Variants in HSD11B1L observed in about 807,000 individuals in gnomAD.
HSD11B1L encodes the protein hydroxysteroid 11-beta-dehydrogenase 1-like protein.
A neutral mutation model predicts 27.0 loss-of-function variants in HSD11B1L; 22 were observed. That is an observed-to-expected ratio of 0.81 (90% CI 0.58 to 1.16). The LOEUF (loss-of-function observed/expected upper bound fraction) is 1.16, where lower values mean the gene tolerates loss of function less well. Ranked by LOEUF, HSD11B1L falls within the 50% of genes most tolerant of loss-of-function variation. The pLI is 0.00. For missense variants in HSD11B1L, 372 were observed against 401.8 expected, an observed-to-expected ratio of 0.93 and a Z score of 0.63; for synonymous variants, 187 against 189.2, an observed-to-expected ratio of 0.99 and a Z score of 0.09.
intron 1 of HSD11B1L, among the ~76,000 whole-genome samples, chr19:5,681,708 T>C (rs1599413366): frequency 6.6e-6 from 1 of 151,012 alleles, no homozygotes; most frequent in East Asian, 1.9e-4. Flanking sequence ...GTGTTCCCAT[T>C]TATCCATTCA....
chr19:5,684,807 G>C lies in HSD11B1L; in HGVS notation c.-14-12G>C, dbSNP rs373146169. 3.1e-5 allele frequency: 50 copies of C among 1,613,406 alleles called. No homozygotes were observed. In the Middle Eastern group the frequency reaches 4.9e-4, roughly 16 times the overall value. ...CCTGTGCCGGCCACCTCTGTCCCCT[G>C]TCCCTCTGCAGGCCCACACAGGACC... On this transcript the variant is annotated splice_polypyrimidine_tract_variant and intron_variant, in intron 1 of 7. Transcript: ENST00000339423.
rs986071969 is a variant in HSD11B1L at position 5,688,371 on chromosome 19, A to G, written c.*426A>G. The G allele has an allele frequency of 1.1e-5, 7 of 631,406 alleles. No individual in the cohort carries two copies. The South Asian group carries it at 1.2e-4, about 11-fold the overall frequency. 39.1% of individuals were successfully genotyped at this position (631,406 alleles called of 1,614,324 possible). On this transcript the variant is annotated 3_prime_UTR_variant, in exon 8 of 8. Transcript: ENST00000339423. The stretch of plus-strand genomic sequence containing the variant: ...CCCCCAACTCCTGCCAGCTTCCCCT[A>G]GCTGGGGTCTCTGGTACTCTTCACA...
intron 1 of HSD11B1L, chr19:5,684,126 G>T: frequency 2.4e-6 from 1 of 424,122 alleles, no homozygotes; most frequent in Non-Finnish European, 4.2e-6. Flanking sequence ...AGGCATGTGC[G>T]TGCCTCAGCC....
rs909121746 is a variant in HSD11B1L at position 5,681,199 on chromosome 19, G to T, written c.-87G>T. 2 of 152,608 alleles carry T rather than the reference G, an allele frequency of 1.3e-5. No individual in the cohort carries two copies. Among genetic ancestry groups the T allele is most frequent in the Admixed American group, 1.3e-4 (2 of 15,286 alleles). 9.5% of individuals were successfully genotyped at this position (152,608 alleles called of 1,614,324 possible). The stretch of plus-strand genomic sequence containing the variant: ...GAGGCGGCCGAGAAGAGAGGACCGT[G>T]GGGGCGTTCGCGTGGCTCCCAGCCC... On this transcript the variant is annotated 5_prime_UTR_variant, in exon 1 of 8. Coordinates refer to ENST00000339423, the MANE Select transcript of HSD11B1L (RefSeq NM_198706.3).
Position 5,685,258 on chromosome 19 carries a change from T to C in HSD11B1L, c.204+139T>C. 8.6e-7 allele frequency: 1 copy of C among 1,168,556 alleles called. No individual in the cohort carries two copies. The highest frequency in any genetic ancestry group is 1.3e-5 in the South Asian group (1 of 76,288). 72.4% of individuals were successfully genotyped at this position (1,168,556 alleles called of 1,614,324 possible). ...CCTAACCTCTCTGAGCCTCTCAGTT[T>C]CCTCATTTGCAAAACGGGGACAATA... On this transcript the variant is annotated intron_variant, in intron 3 of 7. Transcript: ENST00000339423. This position sits in a 1 kb window ranked among gnomAD's most constrained non-coding sequence, Gnocchi z 4.3.
chr19:5,688,120 T>C lies in HSD11B1L; in HGVS notation c.*175T>C. 1 of 1,551,304 alleles carries C rather than the reference T, an allele frequency of 6.4e-7. No individual in the cohort carries two copies. The highest frequency in any genetic ancestry group is 8.7e-7 in the Non-Finnish European group (1 of 1,146,972). On this transcript the variant is annotated 3_prime_UTR_variant, in exon 8 of 8. Transcript: ENST00000339423. ...ACGGGCACCTGGAACCAGTCACGGC[T>C]TGGGAGGTGCAGGTGCCCCGTGTTA...
rs763515779 is a variant in HSD11B1L, at chr19:5,688,142, G to A, written c.*197G>A. ...GGCTTGGGAGGTGCAGGTGCCCCGT[G>A]TTAGGCGCCTTTGTCGGGGACTTGC... is the stretch of plus-strand genomic sequence containing the variant. On this transcript the variant is annotated 3_prime_UTR_variant, in exon 8 of 8. Transcript: ENST00000339423. The A allele has an allele frequency of 6.4e-7, 1 of 1,551,046 alleles. No individual in the cohort carries two copies. The highest frequency in any genetic ancestry group is 8.7e-7 in the Non-Finnish European group (1 of 1,146,990).
At chr19:5,684,085 C>T (rs1384579977) in intron 1 of HSD11B1L, 2 of 469,552 alleles carry the variant, frequency 4.3e-6, no homozygotes, top group Non-Finnish European at 3.8e-6. Context: ...AAGCGATTCT[C>T]CTGCCTCAGC....
intron 3 of HSD11B1L, 24 bp from the exon 4 acceptor site, chr19:5,686,392 A>G: frequency 6.7e-7 from 1 of 1,493,564 alleles, no homozygotes; most frequent in Non-Finnish European, 9.1e-7. Flanking sequence ...GGAGAGGCCC[A>G]CGGGCAGCTC....
rs1330697608 is a variant in HSD11B1L at position 5,688,250 on chromosome 19, G to A, written c.*305G>A. ...GGAAACTAAGGCTCAGAGAGGCCACGCCACCCTTGAGCCACCCATGGACCC... is the reference window on the plus strand; with the variant it reads ...GGAAACTAAGGCTCAGAGAGGCCACACCACCCTTGAGCCACCCATGGACCC... On this transcript the variant is annotated 3_prime_UTR_variant, in exon 8 of 8. Coordinates refer to ENST00000339423, the MANE Select transcript of HSD11B1L (RefSeq NM_198706.3). The A allele has an allele frequency of 2.7e-6, 4 of 1,463,378 alleles. No individual in the cohort carries two copies. The highest frequency in any genetic ancestry group is 1.3e-5 in the South Asian group (1 of 76,836). 90.6% of individuals were successfully genotyped at this position (1,463,378 alleles called of 1,614,324 possible).
Position 5,688,501 on chromosome 19 carries a change from TA to T in HSD11B1L, c.*561del. ...CTGGACCCAGCCTCTTGTTCGAGAA[TA>T]AAAACTCTTCTTCTCTTGCATATCT... is the stretch of plus-strand genomic sequence containing the variant. On this transcript the variant is annotated 3_prime_UTR_variant, in exon 8 of 8. Transcript: ENST00000339423. 1 of 323,744 alleles carries T rather than the reference TA, an allele frequency of 3.1e-6. No homozygotes were observed. Among genetic ancestry groups the T allele is most frequent in the Non-Finnish European group, 5.7e-6 (1 of 176,224 alleles). The allele number at this position is 323,744 out of a possible 1,614,324, so 20.1% of individuals were successfully genotyped here.
In HSD11B1L at chr19:5,685,006, C is replaced by G. The variant is rs770811587; in HGVS notation, c.91C>G (p.Arg31Gly). Residue 31 changes from arginine (R) to glycine (G), a missense_variant, in exon 3 of 8, where the codon CGA (arginine) becomes GGA (glycine). Arg to Gly is a moderately radical substitution (Grantham distance 125). Coordinates refer to ENST00000339423, the MANE Select transcript of HSD11B1L (RefSeq NM_198706.3). This position sits in a 1 kb window ranked among gnomAD's most constrained non-coding sequence, Gnocchi z 4.3. ...ATGGCCAGCCAGCCTCCAGGGAGCG[C>G]GAGTGCTGCTGACAGGGGCCAACGC... is the stretch of plus-strand genomic sequence containing the variant. ...NFDPASLQGARVLLTGANAGV... is the reference protein window; with the variant it reads ...NFDPASLQGAGVLLTGANAGV... The G allele has an allele frequency of 6.3e-7, 1 of 1,599,162 alleles. No homozygotes were observed. Among genetic ancestry groups the G allele is most frequent in the Non-Finnish European group, 8.5e-7 (1 of 1,172,810 alleles).
chr19:5,687,682 A>C lies in HSD11B1L; in HGVS notation c.668+14A>C, dbSNP rs2054740280. The C allele has an allele frequency of 1.3e-6, 2 of 1,564,872 alleles. No homozygotes were observed. The highest frequency in any genetic ancestry group is 1.4e-5 in the African/African-American group (1 of 73,512). The stretch of plus-strand genomic sequence containing the variant: ...CGAGGCAGTCAGGTGAGGCCCGGAC[A>C]AGCTGGGGGCTGGGCTGGGGGCCAT... On this transcript the variant is annotated intron_variant, in intron 7 of 7. Coordinates refer to ENST00000339423, the MANE Select transcript of HSD11B1L (RefSeq NM_198706.3). This position sits in a 1 kb window ranked among gnomAD's most constrained non-coding sequence, Gnocchi z 6.6.
Position 5,687,026 on chromosome 19 carries a change from C to T in HSD11B1L, c.408+35C>T. 4 of 1,502,930 alleles carry T rather than the reference C, an allele frequency of 2.7e-6. No individual in the cohort carries two copies. In the East Asian group the frequency reaches 9.9e-5, roughly 37 times the overall value. 93.1% of individuals were successfully genotyped at this position (1,502,930 alleles called of 1,614,324 possible). ...TCCTCCGCGGCCCCGGCCCGCCCCT[C>T]TATCTCAGGGACCGGTGGTCCGTTC... is the stretch of plus-strand genomic sequence containing the variant. On this transcript the variant is annotated intron_variant, in intron 5 of 7. Transcript: ENST00000339423. This position sits in a 1 kb window ranked among gnomAD's most constrained non-coding sequence, Gnocchi z 6.6.
chr19:5,682,810 C>CTTTTT (rs5826895), intron 1 of HSD11B1L, among the ~76,000 whole-genome samples: 2 of 95,380 alleles, frequency 2.1e-5, no homozygotes, highest in Non-Finnish European at 2.1e-5. Context: ...GTCCCATTGA[C>CTTTTT]TTTTTTTTTT....
At chr19:5,683,247 C>T (rs1375934337) in intron 1 of HSD11B1L, among the ~76,000 whole-genome samples, 1 of 150,708 alleles carries the variant, frequency 6.6e-6, no homozygotes, top group Non-Finnish European at 1.5e-5. Flanking sequence ...GACTGTTTCT[C>T]TCTTTCACCT....
intron 4 of HSD11B1L, 94 bp from the exon 5 acceptor site, chr19:5,686,805 TG>T: frequency 9.2e-7 from 1 of 1,082,884 alleles, no homozygotes; most frequent in Non-Finnish European, 1.3e-6. Flanking sequence ...CGGAGCTCGC[TG>T]GACCAGCGCT....
At chr19:5,683,208 C>CA (rs1168433209) in intron 1 of HSD11B1L, among the ~76,000 whole-genome samples, 2,661 of 50,342 alleles carry the variant, frequency 0.053, 81 homozygotes, top group African/African-American at 0.11. Context: ...AACTCAGTCT[C>CA]AAAAAAAAAA....
chr19:5,687,707 T>A lies in HSD11B1L; in HGVS notation c.668+39T>A. ...AAGCTGGGGGCTGGGCTGGGGGCCA[T>A]GGCCCAGCCCCAGCCGCAGTCCCCA... On this transcript the variant is annotated intron_variant, in intron 7 of 7. Transcript: ENST00000339423. The surrounding 1 kb of genome is among the most constrained non-coding windows in gnomAD (Gnocchi z 6.6). 1 of 1,527,762 alleles carries A rather than the reference T, an allele frequency of 6.5e-7. No homozygotes were observed. Among genetic ancestry groups the A allele is most frequent in the South Asian group, 1.2e-5 (1 of 81,990 alleles). 94.6% of individuals were successfully genotyped at this position (1,527,762 alleles called of 1,614,324 possible).
Sources: allele counts gnomAD v4.1 joint callset (sites outside exome capture counted in the v4.1 genomes callset), GRCh38; gene constraint gnomAD v4.1.1; non-coding constraint Gnocchi (gnomAD v3.1); transcripts MANE v1.5; gene names NCBI Gene and HGNC (gene_info 2026-07-23, HGNC 2026-07-21).